SPAG17: variants seen among roughly 807,000 people sequenced by gnomAD.
SPAG17 encodes the protein sperm associated antigen 17.
In SPAG17, 169 loss-of-function variants were observed where a neutral mutation model predicts 273.6. The observed-to-expected ratio is 0.62, with a 90% CI of 0.55 to 0.70. The LOEUF (loss-of-function observed/expected upper bound fraction) is 0.70. Ranked by LOEUF, SPAG17 falls within the 30% of genes least tolerant of loss-of-function variation. The pLI is 0.00. For missense variants in SPAG17, 2,557 were observed against 2,627.8 expected, an observed-to-expected ratio of 0.97 and a Z score of 0.59; for synonymous variants, 825 against 873.2, an observed-to-expected ratio of 0.94 and a Z score of 0.97.
intron 4 of SPAG17, among the ~76,000 whole-genome samples, chr1:118,105,555 C>G (rs1398916353): frequency 6.6e-6 from 1 of 151,976 alleles, no homozygotes; most frequent in Non-Finnish European, 1.5e-5. Context: ...GATCATGGAA[C>G]CTAAGCCAAA....
At chr1:118,119,201 G>C (rs886373366) in intron 3 of SPAG17, among the ~76,000 whole-genome samples, 7 of 152,178 alleles carry the variant, frequency 4.6e-5, no homozygotes, top group Non-Finnish European at 4.4e-5. Context: ...GAGATAGAAT[G>C]GACTCCCATG....
chr1:118,184,208 GAAA>G (rs151035471), intron 1 of SPAG17, among the ~76,000 whole-genome samples: 3 of 151,604 alleles, frequency 2.0e-5, no homozygotes, highest in Non-Finnish European at 2.9e-5. Context: ...TATATAAAAT[GAAA>G]AAAAAATTTT....
At chr1:118,133,285 G>A (rs561662213) in intron 3 of SPAG17, among the ~76,000 whole-genome samples, 5 of 152,198 alleles carry the variant, frequency 3.3e-5, no homozygotes, top group Non-Finnish European at 5.9e-5. Context: ...GGTGGGTCGC[G>A]AGGGGGCCCA....
At chr1:118,181,467 A>G (rs776769912) in intron 1 of SPAG17, among the ~76,000 whole-genome samples, 1 of 152,140 alleles carries the variant, frequency 6.6e-6, no homozygotes, top group African/African-American at 2.4e-5. Flanking sequence ...ATTCCATGCA[A>G]ATATTAATAG....
Position 118,041,915 on chromosome 1 carries a change from C to G in SPAG17, c.2942G>C (p.Arg981Thr), listed in dbSNP as rs1270675860. 5.0e-6 allele frequency: 8 copies of G among 1,613,744 alleles called. No individual in the cohort carries two copies. Among genetic ancestry groups the G allele is most frequent in the Non-Finnish European group, 6.8e-6 (8 of 1,179,904 alleles). ...GKDNAEKEDS[R>T]SLKKKSPYKE... ...GTAAGGTGATTTTTTCTTCAAAGAC[C>G]TACTATCCTCTTTCTCTGCGTTATC... Residue 981 changes from arginine to threonine, a missense_variant, in exon 21 of 49, where the codon AGG becomes ACG. Physicochemically the swap from Arg to Thr is moderately conservative, Grantham distance 71 (BLOSUM62 -1). Transcript: ENST00000336338.
Position 117,970,130 on chromosome 1 carries a change from A to G in SPAG17, c.6327-14T>C, listed in dbSNP as rs1290673347. ...TTTACTTTAAACCTACAAGGCAGAAAGATAAAAATAAATTTATGACATAAT... is the reference window on the plus strand; with the variant it reads ...TTTACTTTAAACCTACAAGGCAGAAGGATAAAAATAAATTTATGACATAAT... On this transcript the variant is annotated splice_polypyrimidine_tract_variant and intron_variant, in intron 45 of 48. Coordinates refer to ENST00000336338, the MANE Select transcript of SPAG17 (RefSeq NM_206996.4). 6.2e-7 allele frequency: 1 copy of G among 1,607,242 alleles called. No individual in the cohort carries two copies. Among genetic ancestry groups the G allele is most frequent in the South Asian group, 1.1e-5 (1 of 89,486 alleles).
At chr1:118,097,876 T>A (rs1187371808) in intron 6 of SPAG17, 25 bp from the exon 7 acceptor site, 5 of 1,498,676 alleles carry the variant, frequency 3.3e-6, no homozygotes, top group Non-Finnish European at 4.5e-6. Context: ...ATGTTTATAT[T>A]ACCAAATGAG....
intron 6 of SPAG17, 81 bp from the exon 7 acceptor site, chr1:118,097,932 G>T: frequency 2.2e-6 from 2 of 921,406 alleles, no homozygotes; most frequent in Non-Finnish European, 3.2e-6. Flanking sequence ...TGAGTCATAT[G>T]CATTGCAAGA....
chr1:118,095,307 G>A (rs1403217127), intron 7 of SPAG17, among the ~76,000 whole-genome samples: 2 of 152,154 alleles, frequency 1.3e-5, no homozygotes, highest in South Asian at 4.2e-4. Context: ...GACTGTACAC[G>A]ATTTTAGACT....
intron 22 of SPAG17, 78 bp from the exon 23 acceptor site, chr1:118,039,522 G>T: frequency 7.0e-7 from 1 of 1,432,016 alleles, no homozygotes; most frequent in Non-Finnish European, 9.7e-7. Context: ...GTTACACAAT[G>T]CTGCACAGAA....
intron 25 of SPAG17, among the ~76,000 whole-genome samples, chr1:118,029,121 A>C (rs1292622832): frequency 2.0e-5 from 3 of 152,122 alleles, no homozygotes; most frequent in African/African-American, 7.2e-5. Flanking sequence ...ATGATGGTAC[A>C]TGCCTGTGGT....
chr1:118,053,894 G>A (rs1651349701), intron 20 of SPAG17, 108 bp downstream of exon 20: 3 of 704,910 alleles, frequency 4.3e-6, no homozygotes, highest in Non-Finnish European at 2.4e-6. Context: ...CCATCTTCAT[G>A]CTTCTTCCCA....
intron 5 of SPAG17, among the ~76,000 whole-genome samples, chr1:118,100,891 G>A (rs934323074): frequency 1.3e-5 from 2 of 152,176 alleles, no homozygotes; most frequent in African/African-American, 2.4e-5. Flanking sequence ...GGGAGTTGGG[G>A]TAGGAAACTA....
In SPAG17 at chr1:117,990,918, A is replaced by G; in HGVS notation, c.5476-12T>C. The G allele has an allele frequency of 1.3e-6, 2 of 1,511,218 alleles. No individual in the cohort carries two copies. The highest frequency in any genetic ancestry group is 2.4e-5 in the East Asian group (1 of 42,406). The allele number at this position is 1,511,218 out of a possible 1,614,324, so 93.6% of individuals were successfully genotyped here. On this transcript the variant is annotated splice_polypyrimidine_tract_variant and intron_variant, in intron 37 of 48. Coordinates refer to ENST00000336338, the MANE Select transcript of SPAG17 (RefSeq NM_206996.4). ...ATTTTAGGGAAAGACTGAAATGAAG[A>G]TAGAATTACTTATGATGATTATATT...
At chr1:118,159,166 G>A (rs776546095) in intron 1 of SPAG17, among the ~76,000 whole-genome samples, 8 of 152,138 alleles carry the variant, frequency 5.3e-5, no homozygotes, top group African/African-American at 9.7e-5. Flanking sequence ...GAGAAAGAGC[G>A]CATTCCTTTG....
intron 13 of SPAG17, among the ~76,000 whole-genome samples, chr1:118,083,524 C>T (rs1654756884): frequency 6.6e-6 from 1 of 151,900 alleles, no homozygotes; most frequent in African/African-American, 2.4e-5. Context: ...CGGTGGCTCG[C>T]TCCTGTAATC....
chr1:118,117,719 G>A (rs1018258198), intron 3 of SPAG17, among the ~76,000 whole-genome samples: 1 of 152,194 alleles, frequency 6.6e-6, no homozygotes, highest in Admixed American at 6.5e-5. Context: ...CGGCCCACAT[G>A]GAGGCAGACT....
At chr1:118,048,297 C>T (rs776656952) in intron 20 of SPAG17, among the ~76,000 whole-genome samples, 16 of 152,228 alleles carry the variant, frequency 1.1e-4, no homozygotes, top group African/African-American at 3.6e-4. Flanking sequence ...TGAACCCAGT[C>T]AACAGATTTA....
intron 3 of SPAG17, among the ~76,000 whole-genome samples, chr1:118,120,569 C>T (rs555801297): frequency 2.1e-4 from 32 of 152,186 alleles, no homozygotes; most frequent in African/African-American, 7.0e-4. Context: ...ATAACAATGG[C>T]GTACTCAGAT....
Sources: gnomAD v4.1 joint callset for allele counts (sites outside exome capture counted in the v4.1 genomes callset) on GRCh38, gnomAD v4.1.1 for gene constraint, MANE v1.5 for transcripts, NCBI Gene and HGNC (gene_info 2026-07-23, HGNC 2026-07-21) for gene names.